Variants in RABGAP1L observed in about 807,000 individuals in gnomAD.
The protein encoded by RABGAP1L is RAB GTPase activating protein 1 like.
A neutral mutation model predicts 137.7 loss-of-function variants in RABGAP1L; 63 were observed. That is an observed-to-expected ratio of 0.46 (90% confidence interval 0.37 to 0.56). The LOEUF is 0.56. Among genes scored for constraint, RABGAP1L ranks in the 20% least tolerant of loss-of-function variants. The pLI, the probability that RABGAP1L is intolerant of heterozygous loss-of-function variation, is 0.00. For synonymous variants in RABGAP1L, 431 were observed against 433.7 expected, an observed-to-expected ratio of 0.99 and a Z score of 0.08; for missense variants, 1,095 against 1,244.0, an observed-to-expected ratio of 0.88 and a Z score of 1.80.
intron 17 of RABGAP1L, among the ~76,000 whole-genome samples, chr1:174,725,425 G>A (rs1338763438): frequency 6.6e-6 from 1 of 152,148 alleles, no homozygotes; most frequent in African/African-American, 2.4e-5. Flanking sequence ...TTTTGGTGAG[G>A]TTTATTTGTT....
intron 19 of RABGAP1L, among the ~76,000 whole-genome samples, chr1:174,865,127 GTAAA>G (rs151176877): frequency 0.022 from 3,294 of 152,014 alleles, 51 homozygotes; most frequent in Middle Eastern, 0.082. Flanking sequence ...CTCAAAAAAA[GTAAA>G]TAAATAAATA....
chr1:174,651,740 A>G (rs1232201983), intron 14 of RABGAP1L, among the ~76,000 whole-genome samples: 2 of 152,120 alleles, frequency 1.3e-5, no homozygotes, highest in East Asian at 3.9e-4. Flanking sequence ...TCTGCAGGTG[A>G]GATGCGTTTC....
intron 13 of RABGAP1L, among the ~76,000 whole-genome samples, chr1:174,408,326 C>A (rs185056008): frequency 3.9e-5 from 6 of 152,250 alleles, no homozygotes; most frequent in Non-Finnish European, 5.9e-5. Context: ...ACTTGGTTTT[C>A]TGTTTTTTTG....
At chr1:174,313,528 G>C (rs1035952906) in intron 11 of RABGAP1L, among the ~76,000 whole-genome samples, 12 of 152,074 alleles carry the variant, frequency 7.9e-5, no homozygotes, top group Non-Finnish European at 1.8e-4. Flanking sequence ...CAGTGCTCTA[G>C]CTAGGACTTC....
intron 17 of RABGAP1L, among the ~76,000 whole-genome samples, chr1:174,711,139 G>T (rs1247021223): frequency 1.3e-5 from 2 of 152,128 alleles, no homozygotes; most frequent in Admixed American, 6.5e-5. Flanking sequence ...TGAGTGCGGG[G>T]CCTGCCGAGC....
At chr1:174,538,138 C>G (rs1005631194) in intron 13 of RABGAP1L, among the ~76,000 whole-genome samples, 1 of 152,126 alleles carries the variant, frequency 6.6e-6, no homozygotes, top group Non-Finnish European at 1.5e-5. Flanking sequence ...ATCTCTGAAC[C>G]CTGCTTTGGG....
chr1:174,989,463 A>C (rs1671892450), intron 25 of RABGAP1L, among the ~76,000 whole-genome samples: 1 of 152,194 alleles, frequency 6.6e-6, no homozygotes, highest in Admixed American at 6.5e-5. Flanking sequence ...CTTAGGGCAA[A>C]GCCTATTTCT....
At chr1:174,795,298 C>A (rs1447637693) in intron 18 of RABGAP1L, among the ~76,000 whole-genome samples, 1 of 152,142 alleles carries the variant, frequency 6.6e-6, no homozygotes, top group African/African-American at 2.4e-5. Context: ...GCCTGAAAGT[C>A]AAGCATAAAT....
intron 13 of RABGAP1L, among the ~76,000 whole-genome samples, chr1:174,438,659 A>G (rs1490950305): frequency 6.7e-6 from 1 of 149,792 alleles, no homozygotes; most frequent in Non-Finnish European, 1.5e-5. Flanking sequence ...CGGAGTTTGC[A>G]GTGAGCCGAG....
intron 1 of RABGAP1L, among the ~76,000 whole-genome samples, chr1:174,186,144 C>CA (rs201540764): frequency 0.071 from 6,537 of 91,640 alleles, 165 homozygotes; most frequent in African/African-American, 0.091. Flanking sequence ...AATTCCATCT[C>CA]AAAAAAAAAA....
chr1:174,814,483 C>T lies in RABGAP1L; in HGVS notation c.2340+2523C>T, dbSNP rs527416412. Among the ~76,000 whole-genome samples the T allele has an allele frequency of 2.0e-5, 3 of 152,166 alleles. No homozygotes were observed. In the South Asian group the frequency reaches 6.2e-4, roughly 32 times the overall value. ...TGAGGTGAAACTGAAAGAAGGAAGA[C>T]ATAAGTCATCCAGTATTGGGCTGGG... On this transcript the variant is annotated intron_variant, in intron 19 of 25. Transcript: ENST00000681986.
At chr1:174,420,239 A>G (rs887270678) in intron 13 of RABGAP1L, among the ~76,000 whole-genome samples, 1 of 150,040 alleles carries the variant, frequency 6.7e-6, no homozygotes, top group African/African-American at 2.5e-5. Context: ...AGATGTAGCC[A>G]GAAAGCTAGA....
At chr1:174,216,541 C>T (rs1669333617) in intron 1 of RABGAP1L, among the ~76,000 whole-genome samples, 1 of 150,950 alleles carries the variant, frequency 6.6e-6, no homozygotes, top group Non-Finnish European at 1.5e-5. Flanking sequence ...ATTTCCAATT[C>T]CTCCCTCTCT....
intron 13 of RABGAP1L, among the ~76,000 whole-genome samples, chr1:174,459,705 T>G (rs1012236247): frequency 6.6e-6 from 1 of 152,066 alleles, no homozygotes; most frequent in African/African-American, 2.4e-5. Context: ...CCTGAATATT[T>G]TCAAGCAGTG....
At chr1:174,195,705 CTTCTTTCTTTTCTTTCTTTTCTTTCTT>C (rs1379428426) in intron 1 of RABGAP1L, among the ~76,000 whole-genome samples, 1 of 98,080 alleles carries the variant, frequency 1.0e-5, no homozygotes, top group African/African-American at 5.2e-5. Context: ...TCCTTCTTTC[CTTCTTTCTTTTCTTTCTTTTCTTTCTT>C]TTCTTTCTTT....
intron 13 of RABGAP1L, among the ~76,000 whole-genome samples, chr1:174,535,735 A>T (rs918688301): frequency 6.6e-5 from 10 of 152,174 alleles, no homozygotes; most frequent in Non-Finnish European, 1.5e-4. Context: ...CCAAAGGAAA[A>T]TATATTAATT....
chr1:174,732,194 T>TCC (rs570408358), intron 17 of RABGAP1L, among the ~76,000 whole-genome samples: 4 of 102,820 alleles, frequency 3.9e-5, no homozygotes, highest in Non-Finnish European at 5.5e-5. Context: ...TGAGACCCCA[T>TCC]CCCCCCCAAA....
At chr1:174,352,207 T>G (rs1683259047) in intron 11 of RABGAP1L, among the ~76,000 whole-genome samples, 1 of 152,188 alleles carries the variant, frequency 6.6e-6, no homozygotes, top group Admixed American at 6.5e-5. Flanking sequence ...AAATTTGCCC[T>G]TTTGAAGCTA....
intron 7 of RABGAP1L, among the ~76,000 whole-genome samples, chr1:174,270,228 G>C (rs2148657160): frequency 6.6e-6 from 1 of 151,256 alleles, no homozygotes; most frequent in African/African-American, 2.4e-5. Context: ...GAAAAGATTA[G>C]TGCATTAAAG....
Sources: allele counts gnomAD v4.1 joint callset (sites outside exome capture counted in the v4.1 genomes callset), GRCh38; gene constraint gnomAD v4.1.1; transcripts MANE v1.5; gene names NCBI Gene and HGNC (gene_info 2026-07-23, HGNC 2026-07-21).